AFG2A: variants seen among roughly 807,000 people sequenced by gnomAD.
AFG2A encodes the protein ATPase family gene 2 protein homolog A.
At chr4:123,024,615 C>A in the AFG2A span, among the ~76,000 whole-genome samples, 1 of 152,200 alleles carries the variant, frequency 6.6e-6, no homozygotes, top group African/African-American at 2.4e-5. Context: ...AGGAAGGACC[C>A]TCTACCAAAA....
the AFG2A span, among the ~76,000 whole-genome samples, chr4:123,073,014 C>A: frequency 1.3e-4 from 20 of 152,122 alleles, no homozygotes; most frequent in East Asian, 3.9e-3. Context: ...AGCTAACTGA[C>A]ATATCTGGCA....
At chr4:123,176,486 A>T in the AFG2A span, among the ~76,000 whole-genome samples, 4 of 152,336 alleles carry the variant, frequency 2.6e-5, no homozygotes, top group African/African-American at 9.6e-5. Flanking sequence ...GTCCTATAAC[A>T]TAATATTATT....
At chr4:122,996,690 G>T in the AFG2A span, among the ~76,000 whole-genome samples, 1 of 152,084 alleles carries the variant, frequency 6.6e-6, no homozygotes, top group Non-Finnish European at 1.5e-5. Context: ...CTCATAGGCT[G>T]CCTGCAAGCT....
the AFG2A span, among the ~76,000 whole-genome samples, chr4:123,149,349 G>T: frequency 1.3e-5 from 2 of 152,134 alleles, no homozygotes; most frequent in Non-Finnish European, 2.9e-5. Context: ...AGATACTGTG[G>T]AAGAGAAATT....
chr4:123,073,952 GAATA>G, the AFG2A span, among the ~76,000 whole-genome samples: 2 of 152,060 alleles, frequency 1.3e-5, no homozygotes, highest in African/African-American at 4.8e-5. Context: ...ATGACTTTTG[GAATA>G]AATCTTAAAT....
chr4:123,150,640 T>G, the AFG2A span, among the ~76,000 whole-genome samples: 92 of 152,188 alleles, frequency 6.0e-4, no homozygotes, highest in African/African-American at 2.2e-3. Context: ...TGAAAAAATA[T>G]CCCATGTGCT....
chr4:123,098,730 TG>T, the AFG2A span, among the ~76,000 whole-genome samples: 1 of 152,048 alleles, frequency 6.6e-6, no homozygotes, highest in African/African-American at 2.4e-5. Context: ...GATTACCTTC[TG>T]TATACATACC....
the AFG2A span, among the ~76,000 whole-genome samples, chr4:123,276,556 A>G: frequency 0.011 from 1,709 of 152,214 alleles, 30 homozygotes; most frequent in African/African-American, 0.038. Context: ...GATCTTTGCC[A>G]GGCCCCATGT....
chr4:123,147,851 T>G, the AFG2A span, among the ~76,000 whole-genome samples: 1 of 152,188 alleles, frequency 6.6e-6, no homozygotes, highest in Non-Finnish European at 1.5e-5. Flanking sequence ...CATGAATCAT[T>G]GTAATGCTCA....
chr4:122,947,293 G>A, the AFG2A span: 27 of 1,612,954 alleles, frequency 1.7e-5, no homozygotes, highest in East Asian at 2.2e-5. Context: ...TGCCTTGGAT[G>A]CTGCTCTCCG....
chr4:123,105,954 C>G, the AFG2A span, among the ~76,000 whole-genome samples: 284 of 152,280 alleles, frequency 1.9e-3, 3 homozygotes, highest in South Asian at 0.028. Context: ...AGGATTGACT[C>G]CATCTTTAAA....
chr4:123,226,974 C>T, the AFG2A span, among the ~76,000 whole-genome samples: 30 of 152,288 alleles, frequency 2.0e-4, no homozygotes, highest in African/African-American at 6.3e-4. Context: ...CCCATTTCTT[C>T]TAGATTTTCC....
the AFG2A span, among the ~76,000 whole-genome samples, chr4:122,977,627 TGTG>T: frequency 4.6e-5 from 7 of 152,340 alleles, no homozygotes; most frequent in South Asian, 4.1e-4. Context: ...TTGCCCAAAA[TGTG>T]GTGACCAGTG....
chr4:123,254,163 G>A, the AFG2A span, among the ~76,000 whole-genome samples: 8 of 152,032 alleles, frequency 5.3e-5, no homozygotes, highest in African/African-American at 7.2e-5. Context: ...CTGTCTTTTC[G>A]TTTTCTTAAA....
the AFG2A span, among the ~76,000 whole-genome samples, chr4:122,977,724 G>T: frequency 2.0e-5 from 3 of 152,236 alleles, no homozygotes; most frequent in African/African-American, 4.8e-5. Context: ...CCTTTAGGAA[G>T]AATGAGGTAT....
the AFG2A span, among the ~76,000 whole-genome samples, chr4:123,224,456 C>T: frequency 4.6e-5 from 7 of 151,548 alleles, no homozygotes; most frequent in East Asian, 3.9e-4. Context: ...TGAGAACATG[C>T]GGTGTTTGGT....
At chr4:123,011,552 T>C in the AFG2A span, among the ~76,000 whole-genome samples, 1 of 152,216 alleles carries the variant, frequency 6.6e-6, no homozygotes, top group Non-Finnish European at 1.5e-5. Context: ...GTCAGGCACC[T>C]CAGACCGTTT....
the AFG2A span, among the ~76,000 whole-genome samples, chr4:123,107,793 A>T: frequency 6.6e-6 from 1 of 152,328 alleles, no homozygotes; most frequent in East Asian, 1.9e-4. Context: ...AGAGGGGTTC[A>T]AGGTGGCTGG....
the AFG2A span, among the ~76,000 whole-genome samples, chr4:123,227,565 G>A: frequency 6.6e-6 from 1 of 152,084 alleles, no homozygotes; most frequent in Non-Finnish European, 1.5e-5. Context: ...ATTGCACTGT[G>A]GTCTGAGAGA....
Sources: allele counts gnomAD v4.1 joint callset (sites outside exome capture counted in the v4.1 genomes callset), GRCh38; gene constraint gnomAD v4.1.1; transcripts MANE v1.5; gene names NCBI Gene and HGNC (gene_info 2026-07-23, HGNC 2026-07-21).